TAFA2: variants seen among roughly 807,000 people sequenced by gnomAD.
TAFA2 encodes the protein TAFA chemokine like family member 2.
Under a neutral mutation model 18.8 loss-of-function variants are expected in TAFA2, and 7 were observed. That is an observed-to-expected ratio of 0.37 (90% CI 0.21 to 0.70). TAFA2 has a LOEUF of 0.70. Ranked by LOEUF, TAFA2 falls within the 30% of genes least tolerant of loss-of-function variation. TAFA2 has a pLI of 0.53. For synonymous variants in TAFA2, 60 were observed against 54.2 expected (o/e 1.11, Z -0.47); for missense variants, 122 against 158.1 (o/e 0.77, Z 1.23).
At chr12:61,802,025 T>C (rs1871417310) in intron 2 of TAFA2, among the ~76,000 whole-genome samples, 1 of 152,090 alleles carries the variant, frequency 6.6e-6, no homozygotes, top group Non-Finnish European at 1.5e-5. Flanking sequence ...TCAATATCAT[T>C]AATCATCAGA....
rs138333306 is a variant in TAFA2 at position 61,986,950 on chromosome 12, T to A, written c.-1-119524A>T. Among the ~76,000 whole-genome samples, 50 of 152,352 alleles carry A rather than the reference T, an allele frequency of 3.3e-4. 1 individual carries two copies. The highest frequency in any genetic ancestry group is 1.2e-3 in the African/African-American group (48 of 41,576). On this transcript the variant is annotated intron_variant, in intron 1 of 4. Transcript: ENST00000416284. ...AGTGCTAATGCTGCCATCTGCTAGT[T>A]ATTCTCTTGGTCAAGAAAATGGACT...
At chr12:61,880,246 C>T (rs7311923) in intron 1 of TAFA2, 202,859 of 479,428 alleles carry the variant, frequency 0.42, 44,740 homozygotes, top group Non-Finnish European at 0.46. Flanking sequence ...CTGACATCTC[C>T]GAGATGAACC....
chr12:62,216,769 C>A (rs2062737586), intron 1 of TAFA2, among the ~76,000 whole-genome samples: 2 of 152,154 alleles, frequency 1.3e-5, no homozygotes, highest in Admixed American at 1.3e-4. Context: ...TAGGTTAATT[C>A]TTTTGCCCTC....
intron 1 of TAFA2, among the ~76,000 whole-genome samples, chr12:62,175,460 T>A (rs922065586): frequency 6.6e-6 from 1 of 152,186 alleles, no homozygotes; most frequent in African/African-American, 2.4e-5. Flanking sequence ...TAAAGAAAGA[T>A]ACCTGAAATG....
chr12:62,098,515 CAAACA>C (rs1471773789), intron 1 of TAFA2, among the ~76,000 whole-genome samples: 1 of 152,060 alleles, frequency 6.6e-6, no homozygotes, highest in African/African-American at 2.4e-5. Flanking sequence ...TAAAAACAAA[CAAACA>C]AAACAGGCAG....
intron 1 of TAFA2, among the ~76,000 whole-genome samples, chr12:61,948,070 G>T (rs1188259002): frequency 2.6e-5 from 4 of 151,694 alleles, no homozygotes; most frequent in South Asian, 2.1e-4. Context: ...TGCCTGACAG[G>T]CACTTTGAAA....
At chr12:62,108,231 T>C (rs1043396367) in intron 1 of TAFA2, among the ~76,000 whole-genome samples, 3 of 151,930 alleles carry the variant, frequency 2.0e-5, no homozygotes, top group African/African-American at 7.3e-5. Context: ...AGTGAGAACA[T>C]GCGATGTTTG....
chr12:61,940,954 C>T (rs1592501976), intron 1 of TAFA2, among the ~76,000 whole-genome samples: 2 of 152,106 alleles, frequency 1.3e-5, no homozygotes, highest in South Asian at 2.1e-4. Flanking sequence ...TATGTGGCTA[C>T]TGAATACTTG....
intron 1 of TAFA2, among the ~76,000 whole-genome samples, chr12:61,969,753 A>C (rs1879181889): frequency 6.6e-6 from 1 of 151,776 alleles, no homozygotes; most frequent in African/African-American, 2.4e-5. Flanking sequence ...AGATTGAAGG[A>C]TCATAGAACT....
chr12:61,898,366 C>T (rs752903625), intron 1 of TAFA2, among the ~76,000 whole-genome samples: 3 of 152,204 alleles, frequency 2.0e-5, no homozygotes, highest in Non-Finnish European at 4.4e-5. Flanking sequence ...GGCTCCAACC[C>T]CACATTTCCC....
chr12:62,188,402 T>A (rs1460866990), intron 1 of TAFA2, among the ~76,000 whole-genome samples: 1 of 152,208 alleles, frequency 6.6e-6, no homozygotes, highest in Non-Finnish European at 1.5e-5. Flanking sequence ...GGTTGTTTCA[T>A]CTTTTCAAAT....
At position 62,117,458 on chromosome 12, in the gene TAFA2, T is replaced by A. The variant is rs140174603; in HGVS notation, c.-2+73801A>T. Among the ~76,000 whole-genome samples, 5 of 152,294 alleles carry A rather than the reference T, an allele frequency of 3.3e-5. No homozygotes were observed. The East Asian group carries it at 9.6e-4, about 29-fold the overall frequency. On this transcript the variant is annotated intron_variant, in intron 1 of 4. Transcript: ENST00000416284. ...TGTTTTAGTAAATTAGATATTTAGA[T>A]CTGAAATTCCACATATTGACTCACA...
In TAFA2 at chr12:62,153,319, A is replaced by G. The variant is rs144828587; in HGVS notation, c.-2+37940T>C. ...TTGCTCTGGAAAATGTTCCAATCTA[A>G]TTAGACAAGATTTCTGAGAAGAATA... On this transcript the variant is annotated intron_variant, in intron 1 of 4. Coordinates refer to ENST00000416284, the MANE Select transcript of TAFA2 (RefSeq NM_178539.5). Among the ~76,000 whole-genome samples the G allele has an allele frequency of 5.0e-3, 762 of 152,320 alleles. 2 individuals carry two copies. The highest frequency in any genetic ancestry group is 0.017 in the African/African-American group (702 of 41,588).
chr12:62,123,538 C>A (rs1191142300), intron 1 of TAFA2, among the ~76,000 whole-genome samples: 1 of 152,160 alleles, frequency 6.6e-6, no homozygotes, highest in South Asian at 2.1e-4. Context: ...GTGGTCAGAT[C>A]TTTTCAGGAT....
chr12:62,045,286 T>C (rs996905950), intron 1 of TAFA2, among the ~76,000 whole-genome samples: 8 of 152,208 alleles, frequency 5.3e-5, no homozygotes, highest in African/African-American at 1.9e-4. Context: ...TCTCTGTTCA[T>C]GCTTGGGCTC....
intron 1 of TAFA2, among the ~76,000 whole-genome samples, chr12:62,231,555 C>G (rs1324823474): frequency 6.6e-6 from 1 of 152,096 alleles, no homozygotes; most frequent in Non-Finnish European, 1.5e-5. Context: ...AGAATTGAGT[C>G]TGTTTACATT....
Position 62,050,374 on chromosome 12 carries a change from T to A in TAFA2, c.-2+140885A>T, listed in dbSNP as rs539534809. On this transcript the variant is annotated intron_variant, in intron 1 of 4. Coordinates refer to ENST00000416284, the MANE Select transcript of TAFA2 (RefSeq NM_178539.5). ...TCACGACATCAGGAGATCAAGACCA[T>A]CCTGGCTAACACGGTGAAACCCCGT... is the stretch of plus-strand genomic sequence containing the variant. Among the ~76,000 whole-genome samples the A allele has an allele frequency of 8.8e-4, 134 of 151,606 alleles. 2 individuals are homozygous for A. Among genetic ancestry groups the A allele is most frequent in the African/African-American group, 3.1e-3 (130 of 41,340 alleles).
chr12:62,247,141 C>T (rs2062890665), intron 1 of TAFA2, among the ~76,000 whole-genome samples: 1 of 151,828 alleles, frequency 6.6e-6, no homozygotes, highest in South Asian at 2.1e-4. Context: ...TATTATTTCC[C>T]CCTTCTACTC....
chr12:61,930,569 C>CAAGCTGCTAGATTCA (rs1431611030), intron 1 of TAFA2, among the ~76,000 whole-genome samples: 1 of 152,204 alleles, frequency 6.6e-6, no homozygotes, highest in Non-Finnish European at 1.5e-5. Context: ...AGCCAAGATT[C>CAAGCTGCTAGATTCA]AAGCTGCTAG....
Sources: gnomAD v4.1 joint callset for allele counts (sites outside exome capture counted in the v4.1 genomes callset) on GRCh38, gnomAD v4.1.1 for gene constraint, MANE v1.5 for transcripts, NCBI Gene and HGNC (gene_info 2026-07-23, HGNC 2026-07-21) for gene names.